IL34: variants seen among roughly 807,000 people sequenced by gnomAD.
The protein encoded by IL34 is interleukin-34.
Under a neutral mutation model 25.3 loss-of-function variants are expected in IL34, and 17 were observed. The ratio of observed to expected loss-of-function variants is 0.67; its 90% CI spans 0.46 to 1.01. The LOEUF is 1.01. Among genes scored for constraint, IL34 ranks in the 50% least tolerant of loss-of-function variants. The pLI is 0.00. For synonymous variants in IL34, 174 were observed against 140.9 expected, an observed-to-expected ratio of 1.23 and a Z score of -1.66; for missense variants, 368 against 312.9, an observed-to-expected ratio of 1.18 and a Z score of -1.33.
At chr16:70,603,972 C>A (rs1231951384) in intron 1 of IL34, among the ~76,000 whole-genome samples, 1 of 152,176 alleles carries the variant, frequency 6.6e-6, no homozygotes, top group Non-Finnish European at 1.5e-5. Flanking sequence ...GATTTGCCAG[C>A]CCTTGACTGT....
intron 1 of IL34, among the ~76,000 whole-genome samples, chr16:70,580,422 A>G (rs2050624068): frequency 6.6e-6 from 1 of 152,260 alleles, no homozygotes; most frequent in Non-Finnish European, 1.5e-5. Context: ...ATATTGCCGT[A>G]GGTCTTTGGA....
In IL34 at chr16:70,616,519, T is replaced by A. The variant is rs867216397; in HGVS notation, c.-400-30029T>A. ...ATATTGTTTTGCTTATTTTATTTAT[T>A]TATTTTTTTGTGAGCAACATGTCTG... On this transcript the variant is annotated intron_variant, in intron 1 of 6. Transcript: ENST00000429149. Among the ~76,000 whole-genome samples the A allele has an allele frequency of 5.3e-5, 8 of 152,256 alleles. No homozygotes were observed. In the South Asian group the frequency reaches 1.4e-3, roughly 28 times the overall value.
At chr16:70,594,035 T>G (rs531467312) in intron 1 of IL34, among the ~76,000 whole-genome samples, 1 of 152,352 alleles carries the variant, frequency 6.6e-6, no homozygotes, top group East Asian at 1.9e-4. Context: ...TTGCTATAGC[T>G]TTAAGTAAGT....
chr16:70,609,484 T>C (rs761897412), intron 1 of IL34, among the ~76,000 whole-genome samples: 48 of 152,002 alleles, frequency 3.2e-4, no homozygotes, highest in Admixed American at 7.9e-4. Context: ...AAAATGGAGA[T>C]GATGACACCC....
intron 1 of IL34, among the ~76,000 whole-genome samples, chr16:70,590,922 C>T (rs748256896): frequency 6.6e-6 from 1 of 152,320 alleles, no homozygotes; most frequent in Non-Finnish European, 1.5e-5. Flanking sequence ...CTGTGCCCTC[C>T]CCGTCGTCAG....
At chr16:70,630,850 G>A (rs1242930708) in intron 1 of IL34, among the ~76,000 whole-genome samples, 1 of 152,126 alleles carries the variant, frequency 6.6e-6, no homozygotes, top group East Asian at 1.9e-4. Flanking sequence ...TGAGATTATA[G>A]GAGTGAGCCA....
intron 4 of IL34, 70 bp downstream of exon 4, chr16:70,657,191 T>A (rs1171558657): frequency 6.6e-7 from 1 of 1,508,606 alleles, no homozygotes; most frequent in Non-Finnish European, 9.0e-7. Context: ...GTGTGAGGTG[T>A]GGCCAAAGGC....
chr16:70,627,144 A>T (rs2051411405), intron 1 of IL34, among the ~76,000 whole-genome samples: 1 of 152,174 alleles, frequency 6.6e-6, no homozygotes, highest in African/African-American at 2.4e-5. Flanking sequence ...AATATATTTT[A>T]ATATATGAAA....
At chr16:70,654,780 CGACCA>C in intron 2 of IL34, 109 bp downstream of exon 2, 1 of 1,342,322 alleles carries the variant, frequency 7.4e-7, no homozygotes, top group Non-Finnish European at 1.0e-6. Flanking sequence ...AGCCCTGAGC[CGACCA>C]TGGCCTGTTT....
chr16:70,656,913 C>T (rs1201791962), intron 3 of IL34, 47 bp from the exon 4 acceptor site: 2 of 1,576,168 alleles, frequency 1.3e-6, no homozygotes, highest in East Asian at 2.2e-5. Flanking sequence ...GGTCAGAGCC[C>T]AGAGGCCCAT....
At chr16:70,636,321 C>A (rs922601394) in intron 1 of IL34, among the ~76,000 whole-genome samples, 6 of 152,042 alleles carry the variant, frequency 3.9e-5, no homozygotes, top group Admixed American at 6.6e-5. Context: ...CAGGTGTGAG[C>A]CACTGTGCCA....
intron 1 of IL34, among the ~76,000 whole-genome samples, chr16:70,587,790 G>C (rs895958785): frequency 6.6e-6 from 1 of 151,964 alleles, no homozygotes; most frequent in African/African-American, 2.4e-5. Flanking sequence ...TGTAATCTCA[G>C]CACTTTGGGA....
At chr16:70,656,879 G>A in intron 3 of IL34, 81 bp from the exon 4 acceptor site, 1 of 1,479,590 alleles carries the variant, frequency 6.8e-7, no homozygotes, top group Non-Finnish European at 9.3e-7. Flanking sequence ...TCCCTATGCA[G>A]GGGCAAGTCC....
rs114263039 is a variant in IL34 at position 70,659,423 on chromosome 16, G to A, written c.403-195G>A. 2.5e-3 allele frequency among the ~76,000 whole-genome samples: 380 copies of A among 152,318 alleles called. 1 individual carries two copies. Among genetic ancestry groups the A allele is most frequent in the African/African-American group, 8.5e-3 (355 of 41,580 alleles). ...CGAAGCCTCTGAGTTGTACATGGGTGAGTGGTGGCATCTGGGACCCTCCCC... is the reference window on the plus strand; with the variant it reads ...CGAAGCCTCTGAGTTGTACATGGGTAAGTGGTGGCATCTGGGACCCTCCCC... On this transcript the variant is annotated intron_variant, in intron 4 of 5. Coordinates refer to ENST00000288098, the MANE Select transcript of IL34 (RefSeq NM_001393494.1).
At chr16:70,657,340 A>G (rs2052258268) in intron 4 of IL34, 1 of 560,336 alleles carries the variant, frequency 1.8e-6, no homozygotes, top group East Asian at 3.0e-5. Context: ...CTCGGGGTGC[A>G]GGCGATGCCT....
intron 1 of IL34, among the ~76,000 whole-genome samples, chr16:70,585,401 A>T (rs1034244259): frequency 1.3e-5 from 2 of 151,894 alleles, no homozygotes; most frequent in Non-Finnish European, 2.9e-5. Flanking sequence ...TTAAAAAATA[A>T]TTTTTTTGAG....
chr16:70,647,035 C>G lies in IL34; in HGVS notation c.28+60C>G, dbSNP rs1388033807. On this transcript the variant is annotated intron_variant, in intron 1 of 5. Coordinates refer to ENST00000288098, the MANE Select transcript of IL34 (RefSeq NM_001393494.1). Reference sequence around the variant, plus strand: ...GGAGGCCTTGGCCTAGATCCAGGATCTGCCGTAACCATAGCAACCAGGGCA... The same window carrying G: ...GGAGGCCTTGGCCTAGATCCAGGATGTGCCGTAACCATAGCAACCAGGGCA... 2.9e-6 allele frequency: 4 copies of G among 1,358,238 alleles called. No homozygotes were observed. In the Admixed American group the frequency reaches 1.6e-4, roughly 54 times the overall value. The allele number at this position is 1,358,238 out of a possible 1,614,324, so 84.1% of individuals were successfully genotyped here.
chr16:70,627,716 T>C (rs2051427899), intron 1 of IL34, among the ~76,000 whole-genome samples: 1 of 152,164 alleles, frequency 6.6e-6, no homozygotes, highest in Non-Finnish European at 1.5e-5. Context: ...GAGATCTGCC[T>C]ACTTCAGATC....
intron 1 of IL34, among the ~76,000 whole-genome samples, chr16:70,623,058 A>T (rs4985540): frequency 0.43 from 65,353 of 151,764 alleles, 14,473 homozygotes; most frequent in South Asian, 0.61. Context: ...CACGAGCAGC[A>T]GGGGGAGCAC....
Sources: allele counts gnomAD v4.1 joint callset (sites outside exome capture counted in the v4.1 genomes callset), GRCh38; gene constraint gnomAD v4.1.1; transcripts MANE v1.5; gene names NCBI Gene and HGNC (gene_info 2026-07-23, HGNC 2026-07-21).